Variants in CLIP2 observed in about 807,000 individuals in gnomAD.
CLIP2 encodes the protein CAP-Gly domain-containing linker protein 2.
In CLIP2, 41 loss-of-function variants were observed where a neutral mutation model predicts 111.7. The ratio of observed to expected loss-of-function variants is 0.37; its 90% CI spans 0.29 to 0.48. The LOEUF (loss-of-function observed/expected upper bound fraction) is 0.48, where lower values mean the gene tolerates loss of function less well. CLIP2 is among the 20% of genes least tolerant of loss of function. The probability of loss-of-function intolerance (pLI) is 0.99; values close to 1 mark genes in which losing one functional copy is unlikely to be tolerated. For missense variants in CLIP2, 1,160 were observed against 1,422.1 expected, an observed-to-expected ratio of 0.82 and a Z score of 2.96; for synonymous variants, 660 against 644.2, an observed-to-expected ratio of 1.02 and a Z score of -0.37.
intron 8 of CLIP2, among the ~76,000 whole-genome samples, chr7:74,368,671 C>T (rs549023610): frequency 1.2e-4 from 19 of 152,128 alleles, no homozygotes; most frequent in Non-Finnish European, 2.6e-4. Flanking sequence ...ATAGCCCTCT[C>T]CTTCGTCTTC....
At chr7:74,330,140 G>T (rs1243032805) in intron 2 of CLIP2, among the ~76,000 whole-genome samples, 1 of 150,736 alleles carries the variant, frequency 6.6e-6, no homozygotes, top group East Asian at 2.0e-4. Flanking sequence ...TGTTGCCCAG[G>T]CTGATCTTGA....
chr7:74,389,835 G>C (rs1371415818), intron 13 of CLIP2, among the ~76,000 whole-genome samples: 1 of 151,748 alleles, frequency 6.6e-6, no homozygotes, highest in Non-Finnish European at 1.5e-5. Context: ...AGAGGAGGAG[G>C]CTGCAGTGAG....
Position 74,324,590 on chromosome 7 carries a change from C to T in CLIP2, c.121+6923C>T, listed in dbSNP as rs1365964893. On this transcript the variant is annotated intron_variant, in intron 2 of 16. Transcript: ENST00000223398. ...ATCCCCAATTGACAGGGGAGCCACA[C>T]CTTGTGCCTGACCTTGGAGATGGTG... Among the ~76,000 whole-genome samples the T allele has an allele frequency of 1.3e-5, 2 of 152,002 alleles. 1 individual carries two copies. Among genetic ancestry groups the T allele is most frequent in the Non-Finnish European group, 2.9e-5 (2 of 67,996 alleles).
Position 74,403,738 on chromosome 7 carries a change from C to A in CLIP2, c.3130-99C>A, listed in dbSNP as rs564667749. The A allele has an allele frequency of 2.2e-5, 27 of 1,235,698 alleles. No homozygotes were observed. The East Asian group carries it at 2.3e-4, about 11-fold the overall frequency. 76.5% of individuals were successfully genotyped at this position (1,235,698 alleles called of 1,614,324 possible). Reference sequence around the variant, plus strand: ...TGCAGTTCGCTCTATGCTCCTCCCCCACCCGGCCCCAACTCCTTTCCTCCC... The same window carrying A: ...TGCAGTTCGCTCTATGCTCCTCCCCAACCCGGCCCCAACTCCTTTCCTCCC... On this transcript the variant is annotated intron_variant, in intron 16 of 16. Coordinates refer to ENST00000223398, the MANE Select transcript of CLIP2 (RefSeq NM_003388.5).
intron 8 of CLIP2, among the ~76,000 whole-genome samples, chr7:74,366,060 G>A (rs1554310797): frequency 6.6e-6 from 1 of 152,046 alleles, no homozygotes; most frequent in African/African-American, 2.4e-5. Context: ...TTACATGCAT[G>A]AGCCATCACA....
intron 13 of CLIP2, among the ~76,000 whole-genome samples, chr7:74,392,085 C>T (rs576731953): frequency 8.6e-5 from 13 of 151,562 alleles, no homozygotes; most frequent in African/African-American, 2.4e-4. Context: ...GGCGCAGTGG[C>T]TCACGCCTGT....
chr7:74,353,073 C>A (rs1790051286), intron 3 of CLIP2, among the ~76,000 whole-genome samples: 1 of 151,958 alleles, frequency 6.6e-6, no homozygotes. Flanking sequence ...ATTGCTTAAG[C>A]CCAAGAGTTT....
At chr7:74,305,862 CCCA>C (rs200969996) in intron 1 of CLIP2, among the ~76,000 whole-genome samples, 8 of 112,636 alleles carry the variant, frequency 7.1e-5, no homozygotes, top group African/African-American at 2.3e-4. Context: ...CCAACCCCCC[CCCA>C]CCGCCCCTGC....
At position 74,376,484 on chromosome 7, in the gene CLIP2, G is replaced by T. The variant is rs1790791628; in HGVS notation, c.2083G>T (p.Glu695Ter). Reference protein sequence around the residue: ...LREKLQEAQEELAGLQRHWRA... With the variant: ...LREKLQEAQE ...AGAGAAGCTGCAGGAGGCCCAGGAG[G>T]AGCTGGCTGGGCTGCAGCGGCACTG... is the stretch of plus-strand genomic sequence containing the variant. Residue 695 changes from glutamate (E) to a stop codon, truncating the protein, a stop_gained, in exon 10 of 17, where the codon GAG (glutamate) becomes TAG (stop). Coordinates refer to ENST00000223398, the MANE Select transcript of CLIP2 (RefSeq NM_003388.5). LOFTEE classifies it high-confidence loss of function. The surrounding 1 kb of genome is among the most constrained non-coding windows in gnomAD (Gnocchi z 7.1). 1 of 1,612,750 alleles carries T rather than the reference G, an allele frequency of 6.2e-7. No individual in the cohort carries two copies. The highest frequency in any genetic ancestry group is 1.3e-5 in the African/African-American group (1 of 74,618).
intron 3 of CLIP2, among the ~76,000 whole-genome samples, chr7:74,341,508 G>A (rs1789657811): frequency 6.6e-6 from 1 of 152,066 alleles, no homozygotes. Flanking sequence ...TGTCTGAAGT[G>A]ACATGTGACA....
chr7:74,384,055 G>A (rs1446731126), intron 11 of CLIP2, among the ~76,000 whole-genome samples: 1 of 152,130 alleles, frequency 6.6e-6, no homozygotes, highest in African/African-American at 2.4e-5. Context: ...TGGGCGTGGT[G>A]GTGTGCGCCT....
At chr7:74,302,668 C>T (rs1388561989) in intron 1 of CLIP2, among the ~76,000 whole-genome samples, 2 of 152,244 alleles carry the variant, frequency 1.3e-5, no homozygotes, top group African/African-American at 2.4e-5. Flanking sequence ...CTGCCCTGCT[C>T]AGCCCAGGAG....
At chr7:74,399,515 A>T (rs1367545129) in intron 14 of CLIP2, among the ~76,000 whole-genome samples, 2 of 124,172 alleles carry the variant, frequency 1.6e-5, no homozygotes, top group African/African-American at 6.3e-5. Flanking sequence ...TCCAGCCTGC[A>T]CAATAGAGTG....
rs1478628381 is a variant in CLIP2, at chr7:74,305,855, A to ACCCCC, written c.-67-11620_-67-11616dup. Among the ~76,000 whole-genome samples the ACCCCC allele has an allele frequency of 1.6e-3, 86 of 52,236 alleles. 1 individual carries two copies. The highest frequency in any genetic ancestry group is 2.9e-3 in the African/African-American group (21 of 7,124). 34.3% of individuals were successfully genotyped at this position (52,236 alleles called of 152,430 possible). ...AGCTGGCTTCTCTCCCTGCACCCCAACCCCCCCCCACCGCCCCTGCTGCCA... is the reference window on the plus strand; with the variant it reads ...AGCTGGCTTCTCTCCCTGCACCCCAACCCCCCCCCCCCCCACCGCCCCTGCTGCCA... On this transcript the variant is annotated intron_variant, in intron 1 of 16. Transcript: ENST00000223398.
In CLIP2 at chr7:74,376,958, TC is replaced by T; in HGVS notation, c.2421+137del. On this transcript the variant is annotated intron_variant, in intron 10 of 16. Coordinates refer to ENST00000223398, the MANE Select transcript of CLIP2 (RefSeq NM_003388.5). The surrounding 1 kb of genome is among the most constrained non-coding windows in gnomAD (Gnocchi z 7.1). ...ATGCCTGGGGCAGTCAAGGAAGGGGTCACCTGGCTTAGAGGAGGAGGAGCTC... is the reference window on the plus strand; with the variant it reads ...ATGCCTGGGGCAGTCAAGGAAGGGGTACCTGGCTTAGAGGAGGAGGAGCTC... The T allele has an allele frequency of 1.1e-6, 1 of 878,328 alleles. No individual in the cohort carries two copies. The highest frequency in any genetic ancestry group is 2.7e-5 in the East Asian group (1 of 37,444). 54.4% of individuals were successfully genotyped at this position (878,328 alleles called of 1,614,324 possible).
intron 14 of CLIP2, 45 bp downstream of exon 14, chr7:74,397,278 G>T (rs782271480): frequency 6.3e-7 from 1 of 1,587,478 alleles, no homozygotes; most frequent in African/African-American, 1.3e-5. Flanking sequence ...ACTAGTCCGG[G>T]TGGGGCTGGG....
In CLIP2 at chr7:74,338,950, C is replaced by G. The variant is rs1376150900; in HGVS notation, c.624C>G (p.Asp208Glu). The change falls in exon 3 of 17, where the codon GAC (aspartate) becomes GAG (glutamate). Residue 208 changes from aspartate (D) to glutamate (E), a missense_variant. Coordinates refer to ENST00000223398, the MANE Select transcript of CLIP2 (RefSeq NM_003388.5). This position sits in a 1 kb window ranked among gnomAD's most constrained non-coding sequence, Gnocchi z 4.3. ...TGNESGSNLSDSGSVKRGEKD... is the reference protein window; with the variant it reads ...TGNESGSNLSESGSVKRGEKD... ...ACGAGTCGGGATCCAACCTCTCAGACAGCGGCTCTGTGAAGCGGGGCGAAA... is the reference window on the plus strand; with the variant it reads ...ACGAGTCGGGATCCAACCTCTCAGAGAGCGGCTCTGTGAAGCGGGGCGAAA... 1 of 1,599,918 alleles carries G rather than the reference C, an allele frequency of 6.3e-7. No individual in the cohort carries two copies. Among genetic ancestry groups the G allele is most frequent in the Non-Finnish European group, 8.5e-7 (1 of 1,179,866 alleles).
chr7:74,319,784 G>A lies in CLIP2; in HGVS notation c.121+2117G>A, dbSNP rs1788892284. ...TGCAGTGAGCCATGATCACACCGCT[G>A]CACTCCAGCCTGAGTGACAGAGTGA... On this transcript the variant is annotated intron_variant, in intron 2 of 16. Transcript: ENST00000223398. Among the ~76,000 whole-genome samples, 5 of 151,372 alleles carry A rather than the reference G, an allele frequency of 3.3e-5. No individual in the cohort carries two copies. In the South Asian group the frequency reaches 6.3e-4, roughly 19 times the overall value.
chr7:74,313,504 G>A (rs1402168988), intron 1 of CLIP2, among the ~76,000 whole-genome samples: 1 of 151,598 alleles, frequency 6.6e-6, no homozygotes, highest in Non-Finnish European at 1.5e-5. Context: ...AGCTTGCAGT[G>A]AGCCGAGATT....
Sources: allele counts gnomAD v4.1 joint callset (sites outside exome capture counted in the v4.1 genomes callset), GRCh38; gene constraint gnomAD v4.1.1; non-coding constraint Gnocchi (gnomAD v3.1); transcripts MANE v1.5; gene names NCBI Gene and HGNC (gene_info 2026-07-23, HGNC 2026-07-21).